RELN: variants seen among roughly 807,000 people sequenced by gnomAD.
RELN encodes reelin.
Under a neutral mutation model 427.6 loss-of-function variants are expected in RELN, and 108 were observed. That is an observed-to-expected ratio of 0.25 (90% CI 0.22 to 0.30). RELN has a LOEUF of 0.30. RELN is among the 10% of genes least tolerant of loss of function. The pLI is 1.00. For synonymous variants in RELN, 1,524 were observed against 1,513.4 expected (o/e 1.01, Z -0.16); for missense variants, 3,715 against 4,302.8 (o/e 0.86, Z 3.82).
At chr7:103,547,662 A>G (rs1027484330) in intron 41 of RELN, among the ~76,000 whole-genome samples, 2 of 152,190 alleles carry the variant, frequency 1.3e-5, no homozygotes, top group Non-Finnish European at 2.9e-5. Flanking sequence ...ATTTTCAAAT[A>G]CTTGTCAGAG....
intron 6 of RELN, among the ~76,000 whole-genome samples, chr7:103,744,966 A>ATTTTAGACCAATATTTTAGACCAAG (rs1790777793): frequency 2.0e-5 from 3 of 152,224 alleles, no homozygotes; most frequent in Admixed American, 2.0e-4. Flanking sequence ...CAACCAAAAA[A>ATTTTAGACCAATATTTTAGACCAAG]GATAATTTTA....
intron 51 of RELN, among the ~76,000 whole-genome samples, chr7:103,505,432 T>C (rs1202075489): frequency 6.6e-6 from 1 of 152,170 alleles, no homozygotes; most frequent in African/African-American, 2.4e-5. Context: ...AAACAGGGTC[T>C]GGAGTGGACC....
In RELN at chr7:103,923,215, T is replaced by G. The variant is rs1177376650; in HGVS notation, c.227-6030A>C. ...GAAGAAGAAATAAACTGAGCATATT[T>G]GCTGCAAAATTTCATCAACACTGTA... On this transcript the variant is annotated intron_variant, in intron 1 of 64. Coordinates refer to ENST00000428762, the MANE Select transcript of RELN (RefSeq NM_005045.4). 3.9e-5 allele frequency among the ~76,000 whole-genome samples: 6 copies of G among 152,308 alleles called. No homozygotes were observed. The East Asian group carries it at 1.2e-3, about 29-fold the overall frequency.
chr7:103,712,115 A>G (rs1789817822), intron 8 of RELN, among the ~76,000 whole-genome samples: 1 of 152,158 alleles, frequency 6.6e-6, no homozygotes, highest in African/African-American at 2.4e-5. Flanking sequence ...AATCCTAAAG[A>G]GCTTTTAGAC....
chr7:103,872,542 A>G (rs77149789), intron 2 of RELN, among the ~76,000 whole-genome samples: 51 of 128,194 alleles, frequency 4.0e-4, no homozygotes, highest in East Asian at 3.1e-3. Flanking sequence ...ATGTGTCTTT[A>G]TAGCGGCATG....
intron 2 of RELN, among the ~76,000 whole-genome samples, chr7:103,911,298 T>A (rs1300713009): frequency 6.7e-6 from 1 of 150,240 alleles, no homozygotes; most frequent in African/African-American, 2.5e-5. Context: ...TCAAAACCAC[T>A]ATGAGATACC....
intron 6 of RELN, among the ~76,000 whole-genome samples, chr7:103,730,740 G>A (rs1790333369): frequency 1.3e-5 from 2 of 152,084 alleles, no homozygotes; most frequent in African/African-American, 2.4e-5. Flanking sequence ...AAATCAGTCC[G>A]ATTTCTGCCA....
At chr7:103,906,970 C>A (rs769220334) in intron 2 of RELN, among the ~76,000 whole-genome samples, 132 of 152,112 alleles carry the variant, frequency 8.7e-4, no homozygotes, top group Non-Finnish European at 1.6e-3. Context: ...CCTATTTACA[C>A]AGCCCTAATT....
chr7:103,843,930 T>C (rs1418925414), intron 2 of RELN, among the ~76,000 whole-genome samples: 1 of 152,206 alleles, frequency 6.6e-6, no homozygotes, highest in Non-Finnish European at 1.5e-5. Flanking sequence ...GCTTAACAGC[T>C]GCATGGTGGT....
At chr7:103,762,942 G>A (rs1791338886) in intron 4 of RELN, among the ~76,000 whole-genome samples, 1 of 152,184 alleles carries the variant, frequency 6.6e-6, no homozygotes, top group African/African-American at 2.4e-5. Context: ...AGATATGTAT[G>A]CAAGATGCAT....
chr7:103,610,877 A>G, intron 21 of RELN, 70 bp from the exon 22 acceptor site: 1 of 835,030 alleles, frequency 1.2e-6, no homozygotes, highest in Non-Finnish European at 2.1e-6. Context: ...CTACTCACCC[A>G]CTGTAAGTGA....
chr7:103,780,523 T>C (rs1165328051), intron 3 of RELN, among the ~76,000 whole-genome samples: 1 of 152,184 alleles, frequency 6.6e-6, no homozygotes, highest in African/African-American at 2.4e-5. Flanking sequence ...TACACATTAG[T>C]TATTTTTCCT....
rs1005699135 is a variant in RELN, at chr7:103,695,240, A to G, written c.1143+2613T>C. Among the ~76,000 whole-genome samples, 4 of 152,322 alleles carry G rather than the reference A, an allele frequency of 2.6e-5. 1 individual carries two copies. The highest frequency in any genetic ancestry group is 2.6e-4 in the Admixed American group (4 of 15,286). The stretch of plus-strand genomic sequence containing the variant: ...TCTTTCATTCTCAGATGGTGGAACC[A>G]AAAAACAAAAGGGCAGTCATGTAAA... On this transcript the variant is annotated intron_variant, in intron 10 of 64. Transcript: ENST00000428762.
rs563465370 is a variant in RELN at position 103,948,629 on chromosome 7, C to T, written c.227-31444G>A. 2.2e-4 allele frequency among the ~76,000 whole-genome samples: 34 copies of T among 152,122 alleles called. No individual in the cohort carries two copies. The East Asian group carries it at 3.9e-3, about 17-fold the overall frequency. On this transcript the variant is annotated intron_variant, in intron 1 of 64. Transcript: ENST00000428762. Reference sequence around the variant, plus strand: ...CGGAGGTTGCAGTGAGCTGAGATCACGCCCCTGGACTCTAGCCTGGCAACA... The same window carrying T: ...CGGAGGTTGCAGTGAGCTGAGATCATGCCCCTGGACTCTAGCCTGGCAACA...
At chr7:103,793,616 C>T (rs1383937157) in intron 3 of RELN, among the ~76,000 whole-genome samples, 1 of 152,126 alleles carries the variant, frequency 6.6e-6, no homozygotes, top group Non-Finnish European at 1.5e-5. Flanking sequence ...AGTTCCAGCA[C>T]AAGTCTAATA....
At chr7:103,684,564 T>C (rs6967821) in intron 10 of RELN, among the ~76,000 whole-genome samples, 121 of 152,188 alleles carry the variant, frequency 8.0e-4, no homozygotes, top group African/African-American at 2.9e-3. Flanking sequence ...ACAATCAAGA[T>C]GATAAGGACT....
intron 20 of RELN, among the ~76,000 whole-genome samples, chr7:103,622,271 T>C (rs1832238304): frequency 6.6e-6 from 1 of 152,198 alleles, no homozygotes; most frequent in South Asian, 2.1e-4. Context: ...TTTTAGAATA[T>C]GGCCATTAAA....
At chr7:103,558,645 T>C (rs957825554) in intron 36 of RELN, among the ~76,000 whole-genome samples, 4 of 152,220 alleles carry the variant, frequency 2.6e-5, no homozygotes, top group Admixed American at 1.3e-4. Flanking sequence ...AGGAAAGAGA[T>C]CACATTAGCT....
At chr7:103,754,773 C>A (rs1051594704) in intron 4 of RELN, among the ~76,000 whole-genome samples, 6 of 151,980 alleles carry the variant, frequency 3.9e-5, no homozygotes, top group African/African-American at 1.5e-4. Flanking sequence ...CAGACCCTGT[C>A]TCTAAATAAA....
Sources: allele counts gnomAD v4.1 joint callset (sites outside exome capture counted in the v4.1 genomes callset), GRCh38; gene constraint gnomAD v4.1.1; transcripts MANE v1.5; gene names NCBI Gene and HGNC (gene_info 2026-07-23, HGNC 2026-07-21).